Variants in CBLC observed in about 807,000 individuals in gnomAD.
CBLC encodes the protein E3 ubiquitin-protein ligase CBL-C.
Under a neutral mutation model 58.6 loss-of-function variants are expected in CBLC, and 46 were observed. The observed-to-expected ratio is 0.79, with a 90% CI of 0.62 to 1.00. CBLC has a LOEUF of 1.00. Ranked by LOEUF, CBLC falls within the 50% of genes least tolerant of loss-of-function variation. The pLI, the probability that CBLC is intolerant of heterozygous loss-of-function variation, is 0.00. For missense variants in CBLC, 655 were observed against 625.8 expected (o/e 1.05, Z -0.50); for synonymous variants, 271 against 264.2 (o/e 1.03, Z -0.25).
intron 9 of CBLC, among the ~76,000 whole-genome samples, chr19:44,797,550 A>C (rs113971433): frequency 0.011 from 1,576 of 148,098 alleles, 41 homozygotes; most frequent in African/African-American, 0.037. Flanking sequence ...GCCTGTCATA[A>C]CTTTTGCTAT....
In CBLC at chr19:44,778,164, A is replaced by T. The variant is rs530433110; in HGVS notation, c.233A>T (p.Asp78Val). The change falls in exon 1 of 11, where the codon GAC (aspartate) becomes GTC (valine). Residue 78 changes from aspartate to valine, a missense_variant. By Grantham distance (152) the Asp-to-Val change is radical. This residue lies in a region of CBLC where 280 missense variants were observed against 237.2 expected (regional missense o/e 1.18). Transcript: ENST00000647358. ...CCCGGGGGTCCCGGCGGCTCTGGGG[A>T]CTTTCTACTCATCTACCTGGCCAAT... ...GGPGGPGGSG[D>V]FLLIYLANLE... The T allele has an allele frequency of 4.2e-5, 66 of 1,560,846 alleles. No homozygotes were observed. Among genetic ancestry groups the T allele is most frequent in the Non-Finnish European group, 5.4e-5 (62 of 1,158,088 alleles).
chr19:44,800,253 G>A (rs1212216244), intron 9 of CBLC, 128 bp from the exon 10 acceptor site: 4 of 665,756 alleles, frequency 6.0e-6, no homozygotes, highest in Admixed American at 2.5e-5. Context: ...CAGCCGCGCA[G>A]GAAGCCACCT....
At chr19:44,799,710 AAGGG>A (rs1353164001) in intron 9 of CBLC, among the ~76,000 whole-genome samples, 1 of 151,108 alleles carries the variant, frequency 6.6e-6, no homozygotes, top group Non-Finnish European at 1.5e-5. Context: ...GAGAGAAAGA[AAGGG>A]AGAGAAAGAA....
chr19:44,780,862 T>A, intron 1 of CBLC, 43 bp from the exon 2 acceptor site: 1 of 1,596,844 alleles, frequency 6.3e-7, no homozygotes, highest in Non-Finnish European at 8.5e-7. Flanking sequence ...AGGGTGTCAG[T>A]GGGAGCCCCA....
chr19:44,782,758 G>T (rs2122412927), intron 4 of CBLC, among the ~76,000 whole-genome samples: 1 of 152,284 alleles, frequency 6.6e-6, no homozygotes, highest in African/African-American at 2.4e-5. Context: ...TGAGGGTAAG[G>T]TCCGTTTCTG....
At chr19:44,799,869 G>T (rs1451033470) in intron 9 of CBLC, among the ~76,000 whole-genome samples, 1 of 144,462 alleles carries the variant, frequency 6.9e-6, no homozygotes, top group Non-Finnish European at 1.6e-5. Context: ...GAAGAAAAAA[G>T]AAAGAGAAAA....
At position 44,800,627 on chromosome 19, in the gene CBLC, G is replaced by C; in HGVS notation, c.*84G>C. The C allele has an allele frequency of 1.8e-6, 1 of 557,450 alleles. No homozygotes were observed. Among genetic ancestry groups the C allele is most frequent in the South Asian group, 2.3e-5 (1 of 42,620 alleles). 34.5% of individuals were successfully genotyped at this position (557,450 alleles called of 1,614,324 possible). ...GAAACCGAAATAAACTGCCAAGCCT[G>C]GTCTGTCCTCCAGGGTGCAAAGGAA... is the stretch of plus-strand genomic sequence containing the variant. On this transcript the variant is annotated 3_prime_UTR_variant, in exon 11 of 11. Coordinates refer to ENST00000647358, the MANE Select transcript of CBLC (RefSeq NM_012116.4).
chr19:44,790,015 C>T lies in CBLC; in HGVS notation c.929C>T (p.Pro310Leu). Residue 310 changes from proline (P) to leucine (L), a missense_variant, in exon 6 of 11, where the codon CCA becomes CTA. By Grantham distance (98) the Pro-to-Leu change is moderately conservative (BLOSUM62 -3). Transcript: ENST00000647358. Reference sequence around the variant, plus strand: ...TTCCCTTCCCCCAGCTACCTCTACCCAGATGGAAAGACCCACAACCCAGAC... The same window carrying T: ...TTCCCTTCCCCCAGCTACCTCTACCTAGATGGAAAGACCCACAACCCAGAC... ...EGQKDGFYLYPDGKTHNPDLT... is the reference protein window; with the variant it reads ...EGQKDGFYLYLDGKTHNPDLT... The T allele has an allele frequency of 1.2e-6, 2 of 1,613,574 alleles. No individual in the cohort carries two copies. Among genetic ancestry groups the T allele is most frequent in the South Asian group, 1.1e-5 (1 of 91,070 alleles).
chr19:44,780,532 G>A (rs1967693673), intron 1 of CBLC, among the ~76,000 whole-genome samples: 1 of 148,620 alleles, frequency 6.7e-6, no homozygotes, highest in Non-Finnish European at 1.5e-5. Flanking sequence ...GAGTGCAGTG[G>A]CGTGATCTCA....
At chr19:44,787,609 G>T (rs1176350193) in intron 5 of CBLC, among the ~76,000 whole-genome samples, 1 of 151,100 alleles carries the variant, frequency 6.6e-6, no homozygotes, top group East Asian at 2.0e-4. Flanking sequence ...CTGAAGTCAG[G>T]AGTTCAAGAC....
intron 6 of CBLC, among the ~76,000 whole-genome samples, chr19:44,791,256 A>C (rs998306325): frequency 4.6e-5 from 7 of 151,086 alleles, no homozygotes; most frequent in African/African-American, 1.5e-4. Flanking sequence ...CAGTAGGCCA[A>C]GATTGCGACC....
rs758998572 is a variant in CBLC at position 44,781,216 on chromosome 19, G to A, written c.510G>A (p.Leu170=). Residue 170 remains leucine (L), a synonymous_variant, in exon 3 of 11, where the codon CTG becomes CTA. Coordinates refer to ENST00000647358, the MANE Select transcript of CBLC (RefSeq NM_012116.4). ...WRESCGARCV[L]PWAEFESLLG... is the part of the protein sequence containing the mutation. ...CCCCTCTCCCACCCAGGTGTGTGCTGCCCTGGGCTGAGTTTGAGTCCCTCC... is the reference window on the plus strand; with the variant it reads ...CCCCTCTCCCACCCAGGTGTGTGCTACCCTGGGCTGAGTTTGAGTCCCTCC... The A allele has an allele frequency of 1.1e-5, 17 of 1,612,344 alleles. No homozygotes were observed. In the Admixed American group the frequency reaches 2.2e-4, roughly 21 times the overall value.
rs1967607629 is a variant in CBLC, at chr19:44,777,906, T to C, written c.-26T>C. 1 of 1,523,684 alleles carries C rather than the reference T, an allele frequency of 6.6e-7. No homozygotes were observed. Among genetic ancestry groups the C allele is most frequent in the Admixed American group, 2.1e-5 (1 of 47,668 alleles). 94.4% of individuals were successfully genotyped at this position (1,523,684 alleles called of 1,614,324 possible). A position where few individuals can be genotyped will look rare whatever the true frequency, so the allele number is the denominator to read the frequency against. On this transcript the variant is annotated 5_prime_UTR_variant, in exon 1 of 11. Coordinates refer to ENST00000647358, the MANE Select transcript of CBLC (RefSeq NM_012116.4). ...GCCGCCCCTATCCCAGCCGCACCGGTCCTTCCCGGCACACGCGAGGCTCCC... is the reference window on the plus strand; with the variant it reads ...GCCGCCCCTATCCCAGCCGCACCGGCCCTTCCCGGCACACGCGAGGCTCCC...
intron 3 of CBLC, among the ~76,000 whole-genome samples, chr19:44,781,711 C>G (rs1294983254): frequency 9.1e-6 from 1 of 110,134 alleles, no homozygotes; most frequent in Non-Finnish European, 1.8e-5. Context: ...GGAGGAGGGC[C>G]TGGGGCCTGG....
chr19:44,795,934 G>T (rs1040836516), intron 9 of CBLC, among the ~76,000 whole-genome samples: 1 of 152,166 alleles, frequency 6.6e-6, no homozygotes, highest in African/African-American at 2.4e-5. Flanking sequence ...TTCCTCTCCC[G>T]GCTGGGCGCG....
At chr19:44,785,892 G>A (rs1308140299) in intron 5 of CBLC, among the ~76,000 whole-genome samples, 5 of 151,812 alleles carry the variant, frequency 3.3e-5, no homozygotes, top group Admixed American at 6.6e-5. Flanking sequence ...CTGATATCAC[G>A]CCACTGCACT....
At chr19:44,780,454 T>G (rs1444819912) in intron 1 of CBLC, among the ~76,000 whole-genome samples, 1 of 144,934 alleles carries the variant, frequency 6.9e-6, no homozygotes, top group Non-Finnish European at 1.5e-5. Flanking sequence ...ATAAAAGCCA[T>G]GTATATCGTT....
intron 5 of CBLC, 51 bp downstream of exon 5, chr19:44,784,452 A>G: frequency 6.6e-7 from 1 of 1,518,982 alleles, no homozygotes; most frequent in Non-Finnish European, 8.9e-7. Context: ...CTGGTTGGAA[A>G]GATCTTGCAT....
At chr19:44,783,193 A>C (rs1271317698) in intron 4 of CBLC, among the ~76,000 whole-genome samples, 1 of 152,144 alleles carries the variant, frequency 6.6e-6, no homozygotes, top group African/African-American at 2.4e-5. Context: ...CAACATGGTG[A>C]AACCTCATCT....
Sources: gnomAD v4.1 joint callset for allele counts (sites outside exome capture counted in the v4.1 genomes callset) on GRCh38, gnomAD v4.1.1 for gene constraint, gnomAD v4.1.1 regional missense constraint, MANE v1.5 for transcripts, NCBI Gene and HGNC (gene_info 2026-07-23, HGNC 2026-07-21) for gene names.